NOTCH2: variants seen among roughly 807,000 people sequenced by gnomAD.
NOTCH2 encodes neurogenic locus notch homolog protein 2.
In NOTCH2, 29 loss-of-function variants were observed where a neutral mutation model predicts 235.8. That is an observed-to-expected ratio of 0.12 (90% CI 0.09 to 0.17). NOTCH2 has a LOEUF of 0.17. Ranked by LOEUF, NOTCH2 falls within the 10% of genes least tolerant of loss-of-function variation. The pLI is 1.00. For missense variants in NOTCH2, 2,285 were observed against 3,150.2 expected (o/e 0.73, Z 6.57); for synonymous variants, 1,086 against 1,141.5 (o/e 0.95, Z 0.98).
intron 5 of NOTCH2, among the ~76,000 whole-genome samples, chr1:119,970,406 G>T (rs1651315589): frequency 6.6e-6 from 1 of 152,192 alleles, no homozygotes; most frequent in South Asian, 2.1e-4. Flanking sequence ...GATGTGAAGG[G>T]CAAGGCCAAG....
chr1:119,919,269 C>A (rs757381715), intron 31 of NOTCH2, 43 bp downstream of exon 31: 4 of 1,532,604 alleles, frequency 2.6e-6, no homozygotes, highest in Non-Finnish European at 3.6e-6. Flanking sequence ...CATTATAGAG[C>A]CATAGGAATT....
In NOTCH2 at chr1:119,941,520, G is replaced by T; in HGVS notation, c.2981+6C>A. 1 of 1,596,318 alleles carries T rather than the reference G, an allele frequency of 6.3e-7. No homozygotes were observed. Among genetic ancestry groups the T allele is most frequent in the Non-Finnish European group, 8.6e-7 (1 of 1,164,132 alleles). Reference sequence around the variant, plus strand: ...GATGCTGATGCCCGAGGGACTGGTTGCTCACCTCTCAGTGCACTCATTGAT... The same window carrying T: ...GATGCTGATGCCCGAGGGACTGGTTTCTCACCTCTCAGTGCACTCATTGAT... On this transcript the variant is annotated splice_donor_region_variant and intron_variant, in intron 18 of 33. Coordinates refer to ENST00000256646, the MANE Select transcript of NOTCH2 (RefSeq NM_024408.4).
intron 7 of NOTCH2, 116 bp from the exon 8 acceptor site, chr1:119,967,737 T>A: frequency 1.1e-6 from 1 of 880,540 alleles, no homozygotes; most frequent in Non-Finnish European, 1.8e-6. Context: ...ATAATATCAT[T>A]CCCAATTTTC....
chr1:119,964,163 T>C (rs2493411), intron 10 of NOTCH2, among the ~76,000 whole-genome samples: 33,278 of 152,116 alleles, frequency 0.22, 5,068 homozygotes, highest in African/African-American at 0.42. Context: ...TCTTCCCAAG[T>C]CCAATATACA....
At chr1:119,970,090 T>C (rs1200512039) in intron 5 of NOTCH2, among the ~76,000 whole-genome samples, 1 of 151,958 alleles carries the variant, frequency 6.6e-6, no homozygotes, top group South Asian at 2.1e-4. Context: ...GAGAAGAGTA[T>C]AAAAATGAGT....
rs139918937 is a variant in NOTCH2, at chr1:119,966,083, G to A, written c.1567+293C>T. 4.6e-5 allele frequency among the ~76,000 whole-genome samples: 7 copies of A among 152,256 alleles called. No homozygotes were observed. The East Asian group carries it at 7.7e-4, about 17-fold the overall frequency. ...ACCCATGGGAAAAAAATAAAATCCC[G>A]AATAGCCTACAACTAAGGCTTCTGT... is the stretch of plus-strand genomic sequence containing the variant. On this transcript the variant is annotated intron_variant, in intron 9 of 33. Coordinates refer to ENST00000256646, the MANE Select transcript of NOTCH2 (RefSeq NM_024408.4).
chr1:119,920,106 G>T, intron 30 of NOTCH2, 123 bp downstream of exon 30: 4 of 1,028,162 alleles, frequency 3.9e-6, no homozygotes, highest in East Asian at 2.5e-5. Context: ...ATTTCCTCGA[G>T]CTGATTTAGA....
rs267597957 is a variant in NOTCH2 at position 119,917,689 on chromosome 1, G to A, written c.6003C>T (p.Ala2001=). ...CCTTGTTGTCCTGCATGTCTCGGTT[G>A]GCCCCATTTTTCAACAACAAAAGAG... ...EATLLLLKNG[A]NRDMQDNKEE... Residue 2001 remains alanine (A), a synonymous_variant, in exon 33 of 34, where the codon GCC becomes GCT. Coordinates refer to ENST00000256646, the MANE Select transcript of NOTCH2 (RefSeq NM_024408.4). 6.2e-7 allele frequency: 1 copy of A among 1,613,260 alleles called. No homozygotes were observed. The highest frequency in any genetic ancestry group is 1.7e-5 in the Admixed American group (1 of 60,028).
rs587737236 is a variant in NOTCH2, at chr1:119,913,202, A to G, written c.*2104T>C. 2 of 233,358 alleles carry G rather than the reference A, an allele frequency of 8.6e-6. No homozygotes were observed. Among genetic ancestry groups the G allele is most frequent in the Admixed American group, 5.6e-5 (1 of 17,808 alleles). The allele number at this position is 233,358 out of a possible 1,614,324, so 14.5% of individuals were successfully genotyped here. A position where few individuals can be genotyped will look rare whatever the true frequency, so the allele number is the denominator to read the frequency against. On this transcript the variant is annotated 3_prime_UTR_variant, in exon 34 of 34. Coordinates refer to ENST00000256646, the MANE Select transcript of NOTCH2 (RefSeq NM_024408.4). ...AAAGAGGCTGACAGAATGTTGCCAC[A>G]TGGAGAGAATAAAGCAGAGAATGAA...
At chr1:119,952,649 AG>A (rs1269400252) in intron 14 of NOTCH2, among the ~76,000 whole-genome samples, 1 of 152,122 alleles carries the variant, frequency 6.6e-6, no homozygotes, top group African/African-American at 2.4e-5. Context: ...AGTGACGGGG[AG>A]TGGCTATAAA....
rs2101154961 is a variant in NOTCH2, at chr1:119,922,440, G to T, written c.5009C>A (p.Ser1670Tyr). The part of the protein sequence containing the change: ...SYPLVSVVSE[S>Y]LTPERTQLLY... Reference sequence around the variant, plus strand: ...GAGCTGAGTGCGTTCTGGAGTCAGGGATTCACCTGAAAGTCCACAGAGACA... The same window carrying T: ...GAGCTGAGTGCGTTCTGGAGTCAGGTATTCACCTGAAAGTCCACAGAGACA... The change falls in exon 28 of 34, where the codon TCC (serine) becomes TAC (tyrosine). Residue 1670 changes from serine (S) to tyrosine (Y), a missense_variant. Ser to Tyr is a moderately radical substitution (Grantham distance 144, BLOSUM62 -2). Around this residue, in one of 6 missense-constraint regions of NOTCH2, gnomAD observed 1,173 missense variants for 1,515.3 expected, o/e 0.77. Coordinates refer to ENST00000256646, the MANE Select transcript of NOTCH2 (RefSeq NM_024408.4). 6.2e-7 allele frequency: 1 copy of T among 1,611,320 alleles called. No homozygotes were observed. Among genetic ancestry groups the T allele is most frequent in the Non-Finnish European group, 8.5e-7 (1 of 1,178,550 alleles).
At chr1:119,999,971 GAAA>G (rs1262815246) in intron 3 of NOTCH2, among the ~76,000 whole-genome samples, 4,336 of 95,020 alleles carry the variant, frequency 0.046, 58 homozygotes, top group Non-Finnish European at 0.051. Flanking sequence ...AAGAAAGAAA[GAAA>G]GAAAGGAAGG....
intron 11 of NOTCH2, among the ~76,000 whole-genome samples, chr1:119,960,487 C>A (rs1650894770): frequency 2.0e-5 from 3 of 149,416 alleles, no homozygotes; most frequent in African/African-American, 7.4e-5. Context: ...TCACAAATAT[C>A]TCTTTACAAA....
In NOTCH2 at chr1:119,966,389, G is replaced by A. The variant is rs138817140; in HGVS notation, c.1554C>T (p.Cys518=). 21 of 1,612,722 alleles carry A rather than the reference G, an allele frequency of 1.3e-5. No homozygotes were observed. In the African/African-American group the frequency reaches 2.4e-4, roughly 18 times the overall value. The stretch of plus-strand genomic sequence containing the variant: ...GTGGGCACTTACCAGGAGGACACAG[G>A]CACTGGAAACGATTGACTTTATCCA... The part of the protein sequence containing the change: ...QCVDKVNRFQ[C]LCPPGFTGPV... The change falls in exon 9 of 34, where the codon TGC becomes TGT. Residue 518 remains cysteine (C), a synonymous_variant. Coordinates refer to ENST00000256646, the MANE Select transcript of NOTCH2 (RefSeq NM_024408.4).
At chr1:120,006,135 C>T (rs1389561034) in intron 2 of NOTCH2, among the ~76,000 whole-genome samples, 8 of 152,092 alleles carry the variant, frequency 5.3e-5, no homozygotes, top group East Asian at 1.9e-4. Context: ...TCCACTGAAA[C>T]ATCAATTGGC....
intron 7 of NOTCH2, 134 bp from the exon 8 acceptor site, chr1:119,967,755 T>A: frequency 1.2e-6 from 1 of 825,064 alleles, no homozygotes; most frequent in Non-Finnish European, 2.0e-6. Flanking sequence ...TTCTATTTTT[T>A]TTTCCTTAAT....
chr1:119,958,168 C>A (rs781942933), intron 12 of NOTCH2, among the ~76,000 whole-genome samples: 33 of 152,160 alleles, frequency 2.2e-4, no homozygotes, highest in Non-Finnish European at 1.9e-4. Flanking sequence ...TGTATTCACT[C>A]GACTGCCACT....
chr1:119,924,464 G>A (rs777868140), intron 25 of NOTCH2, among the ~76,000 whole-genome samples: 1 of 152,156 alleles, frequency 6.6e-6, no homozygotes, highest in Non-Finnish European at 1.5e-5. Flanking sequence ...CCTTTCAAGA[G>A]TGAATCCCAA....
At position 119,937,363 on chromosome 1, in the gene NOTCH2, C is replaced by T. The variant is rs371875533; in HGVS notation, c.3441G>A (p.Glu1147=). 243 of 1,614,132 alleles carry T rather than the reference C, an allele frequency of 1.5e-4. 2 individuals carry two copies. In the South Asian group the frequency reaches 2.1e-3, roughly 14 times the overall value. Residue 1147 remains glutamate, a synonymous_variant, in exon 21 of 34, where the codon GAG becomes GAA. Transcript: ENST00000256646. ...CPLGYTGSYC[E]EQLDECASNP... is the part of the protein sequence containing the mutation. ...TGGACGCACACTCATCGAGTTGCTC[C>T]TCACAGTAGCTCCCAGTATAGCCCA... is the stretch of plus-strand genomic sequence containing the variant.
Sources: allele counts gnomAD v4.1 joint callset (sites outside exome capture counted in the v4.1 genomes callset), GRCh38; gene constraint gnomAD v4.1.1; regional missense constraint gnomAD v4.1.1; transcripts MANE v1.5; gene names NCBI Gene and HGNC (gene_info 2026-07-23, HGNC 2026-07-21).